Variants in HELB observed in about 807,000 individuals in gnomAD.
HELB encodes DNA 5'-3' helicase B.
HELB carries 96 observed loss-of-function variants against 101.7 expected under a neutral mutation model. That is an observed-to-expected ratio of 0.94 (90% confidence interval 0.80 to 1.12). HELB has a LOEUF of 1.12. HELB is among the 50% of genes most tolerant of loss of function. HELB has a pLI of 0.00. For synonymous variants in HELB, 437 were observed against 459.7 expected, an observed-to-expected ratio of 0.95 and a Z score of 0.63; for missense variants, 1,210 against 1,291.9, an observed-to-expected ratio of 0.94 and a Z score of 0.97.
intron 6 of HELB, among the ~76,000 whole-genome samples, chr12:66,316,103 T>C (rs1366913197): frequency 2.0e-5 from 3 of 152,216 alleles, no homozygotes; most frequent in Non-Finnish European, 4.4e-5. Flanking sequence ...TACACACAAA[T>C]ACTTACCATT....
intron 3 of HELB, among the ~76,000 whole-genome samples, chr12:66,308,043 TAAAAA>T (rs10686380): frequency 1.9e-5 from 2 of 108,052 alleles, no homozygotes; most frequent in African/African-American, 3.6e-5. Context: ...CTACCTCCTC[TAAAAA>T]AAAAAAAAAA....
chr12:66,321,051 G>A (rs970584123), intron 7 of HELB, among the ~76,000 whole-genome samples: 14 of 152,088 alleles, frequency 9.2e-5, no homozygotes, highest in African/African-American at 2.7e-4. Flanking sequence ...GTTTTCTAGC[G>A]GTAATCTTCC....
rs781063275 is a variant in HELB at position 66,331,226 on chromosome 12, G to A, written c.2743G>A (p.Ala915Thr). The A allele has an allele frequency of 5.6e-6, 9 of 1,614,072 alleles. No individual in the cohort carries two copies. The highest frequency in any genetic ancestry group is 2.2e-5 in the South Asian group (2 of 91,090). ...GRQHWQHVYT[A>T]VTRGRCRVYV... The stretch of plus-strand genomic sequence containing the variant: ...CCAGCACTGGCAGCATGTCTACACC[G>A]CCGTGACCAGGGGCCGCTGCCGAGT... Residue 915 changes from alanine (A) to threonine (T), a missense_variant, in exon 12 of 13, where the codon GCC becomes ACC. Transcript: ENST00000247815.
intron 11 of HELB, among the ~76,000 whole-genome samples, chr12:66,327,255 T>A (rs1019944676): frequency 2.0e-5 from 3 of 151,570 alleles, no homozygotes; most frequent in Non-Finnish European, 4.4e-5. Flanking sequence ...AAAAGTGTAA[T>A]ATTTCTGGCT....
rs747180572 is a variant in HELB at position 66,305,058 on chromosome 12, A to T, written c.515A>T (p.Glu172Val). The T allele has an allele frequency of 6.2e-6, 10 of 1,612,238 alleles. No individual in the cohort carries two copies. In the South Asian group the frequency reaches 8.8e-5, roughly 14 times the overall value. Residue 172 changes from glutamate (E) to valine (V), a missense_variant, in exon 2 of 13, where the codon GAA (glutamate) becomes GTA (valine). By Grantham distance (121) the Glu-to-Val change is moderately radical. Coordinates refer to ENST00000247815, the MANE Select transcript of HELB (RefSeq NM_001370285.1). ...LRETLRTFHK[E>V]TGRKDQKQPT... ...GAAACACTAAGAACTTTCCACAAGG[A>T]AACTGGAAGGAAAGATCAAAAGCAG... is the stretch of plus-strand genomic sequence containing the variant.
intron 6 of HELB, among the ~76,000 whole-genome samples, chr12:66,318,419 A>T (rs2053633744): frequency 6.6e-6 from 1 of 152,152 alleles, no homozygotes; most frequent in Admixed American, 6.6e-5. Flanking sequence ...CTGATTGCTA[A>T]TGTGTAGTAC....
At chr12:66,321,082 G>T (rs1306968479) in intron 7 of HELB, among the ~76,000 whole-genome samples, 5 of 152,152 alleles carry the variant, frequency 3.3e-5, no homozygotes, top group Non-Finnish European at 5.9e-5. Flanking sequence ...AAAATGAAGG[G>T]CTCAGCAGGC....
rs546363211 is a variant in HELB at position 66,331,247 on chromosome 12, C to G, written c.2764C>G (p.Arg922Gly). 5.3e-5 allele frequency: 85 copies of G among 1,614,050 alleles called. No homozygotes were observed. Among genetic ancestry groups the G allele is most frequent in the Non-Finnish European group, 7.1e-5 (84 of 1,180,028 alleles). Residue 922 changes from arginine (R) to glycine (G), a missense_variant, in exon 12 of 13, where the codon CGA (arginine) becomes GGA (glycine). By Grantham distance (125) the Arg-to-Gly change is moderately radical. Coordinates refer to ENST00000247815, the MANE Select transcript of HELB (RefSeq NM_001370285.1). ...CACCGCCGTGACCAGGGGCCGCTGC[C>G]GAGTGTATGTGATTGCAGAGGAGTC... ...VYTAVTRGRC[R>G]VYVIAEESQL...
At chr12:66,317,089 CG>C (rs1565639307) in intron 6 of HELB, among the ~76,000 whole-genome samples, 1 of 149,972 alleles carries the variant, frequency 6.7e-6, no homozygotes, top group African/African-American at 2.5e-5. Context: ...CCCAGCTAGT[CG>C]GGAGGCTGAG....
chr12:66,315,874 A>G (rs555212013), intron 6 of HELB, among the ~76,000 whole-genome samples: 1 of 152,326 alleles, frequency 6.6e-6, no homozygotes, highest in East Asian at 1.9e-4. Flanking sequence ...TCGTCTTTGC[A>G]TAAGCCTTTG....
chr12:66,322,456 T>A (rs367975235), intron 8 of HELB, among the ~76,000 whole-genome samples: 135 of 151,064 alleles, frequency 8.9e-4, no homozygotes, highest in Middle Eastern at 6.8e-3. Flanking sequence ...TCCCAGCTAC[T>A]TGGGAGGCTG....
At chr12:66,304,538 T>C (rs950059291) in intron 1 of HELB, among the ~76,000 whole-genome samples, 193 bp from the exon 2 acceptor site, 6 of 152,160 alleles carry the variant, frequency 3.9e-5, no homozygotes, top group African/African-American at 1.2e-4. Flanking sequence ...CCTGTTTTAG[T>C]ATTTACAGTG....
At chr12:66,337,869 G>T (rs2053883131) in intron 12 of HELB, 132 bp from the exon 13 acceptor site, 1 of 604,360 alleles carries the variant, frequency 1.7e-6, no homozygotes, top group Non-Finnish European at 2.9e-6. Context: ...CAATTGCTTT[G>T]GTTGCTGAAG....
At chr12:66,305,207 G>A in intron 2 of HELB, 57 bp downstream of exon 2, 1 of 1,058,982 alleles carries the variant, frequency 9.4e-7, no homozygotes, top group Non-Finnish European at 1.4e-6. Flanking sequence ...AATAACTACA[G>A]TGTTTAAAAT....
At chr12:66,327,080 T>C (rs1177304011) in intron 11 of HELB, among the ~76,000 whole-genome samples, 16 of 133,404 alleles carry the variant, frequency 1.2e-4, no homozygotes. Context: ...TATATATATA[T>C]ATGTTTATAT....
intron 4 of HELB, among the ~76,000 whole-genome samples, chr12:66,312,914 A>G (rs2053560439): frequency 1.3e-5 from 2 of 152,236 alleles, no homozygotes; most frequent in Admixed American, 6.5e-5. Flanking sequence ...GGGCAATCCC[A>G]TCCTGGGATT....
At chr12:66,331,887 C>G (rs1293370625) in intron 12 of HELB, among the ~76,000 whole-genome samples, 1 of 152,086 alleles carries the variant, frequency 6.6e-6, no homozygotes, top group Non-Finnish European at 1.5e-5. Flanking sequence ...GTTCTTTTTT[C>G]CTTTGAGAAC....
intron 11 of HELB, among the ~76,000 whole-genome samples, chr12:66,330,582 T>A (rs1449198788): frequency 1.3e-5 from 2 of 148,788 alleles, no homozygotes; most frequent in Non-Finnish European, 3.0e-5. Flanking sequence ...TATATAGATA[T>A]ATATATGGTT....
At chr12:66,331,063 G>A (rs867017405) in intron 11 of HELB, 91 bp from the exon 12 acceptor site, 2 of 1,414,246 alleles carry the variant, frequency 1.4e-6, no homozygotes, top group Middle Eastern at 2.0e-4. Context: ...GTGCTTGAGA[G>A]CACTTTGAAC....
Sources: gnomAD v4.1 joint callset for allele counts (sites outside exome capture counted in the v4.1 genomes callset) on GRCh38, gnomAD v4.1.1 for gene constraint, MANE v1.5 for transcripts, NCBI Gene and HGNC (gene_info 2026-07-23, HGNC 2026-07-21) for gene names.